Variants in SS18L1 observed in about 807,000 individuals in gnomAD.
SS18L1 encodes SS18L1 subunit of BAF chromatin remodeling complex.
Under a neutral mutation model 70.3 loss-of-function variants are expected in SS18L1, and 32 were observed. The observed-to-expected ratio is 0.46, with a 90% CI of 0.34 to 0.61. The LOEUF (loss-of-function observed/expected upper bound fraction) is 0.61. Ranked by LOEUF, SS18L1 falls within the 20% of genes least tolerant of loss-of-function variation. The pLI is 0.01. For missense variants in SS18L1, 430 were observed against 542.1 expected (o/e 0.79, Z 2.05); for synonymous variants, 237 against 229.7 (o/e 1.03, Z -0.29).
intron 1 of SS18L1, among the ~76,000 whole-genome samples, chr20:62,157,036 C>A (rs937635057): frequency 1.1e-4 from 16 of 151,040 alleles, no homozygotes; most frequent in Non-Finnish European, 2.4e-4. Flanking sequence ...CAGTCCCCTC[C>A]CATACCCCCT....
intron 1 of SS18L1, among the ~76,000 whole-genome samples, chr20:62,150,018 G>A (rs983391990): frequency 3.3e-5 from 5 of 152,254 alleles, no homozygotes; most frequent in Non-Finnish European, 7.3e-5. Flanking sequence ...CAAGGCACAT[G>A]CAGAGGCGGC....
chr20:62,164,362 C>A, intron 7 of SS18L1, 116 bp downstream of exon 7: 1 of 1,110,746 alleles, frequency 9.0e-7, no homozygotes, highest in African/African-American at 1.6e-5. Flanking sequence ...GTCATTCCAG[C>A]TCAGGCCTGG....
At position 62,162,942 on chromosome 20, in the gene SS18L1, T is replaced by G; in HGVS notation, c.556+11T>G. ...TGCAGTCCAACCCAGGTACCTACTCTGCCTCTGCAACCCCGGGGGGCCTGG... is the reference window on the plus strand; with the variant it reads ...TGCAGTCCAACCCAGGTACCTACTCGGCCTCTGCAACCCCGGGGGGCCTGG... On this transcript the variant is annotated intron_variant, in intron 5 of 10. Transcript: ENST00000331758. 6.2e-7 allele frequency: 1 copy of G among 1,607,132 alleles called. No individual in the cohort carries two copies.
chr20:62,146,691 T>C (rs1377215983), intron 1 of SS18L1, among the ~76,000 whole-genome samples: 2 of 133,834 alleles, frequency 1.5e-5, no homozygotes, highest in African/African-American at 5.5e-5. Flanking sequence ...GCTCACAACC[T>C]CCGCGCCCCC....
At chr20:62,166,468 G>A (rs182826758) in intron 8 of SS18L1, among the ~76,000 whole-genome samples, 2 of 152,328 alleles carry the variant, frequency 1.3e-5, no homozygotes, top group African/African-American at 2.4e-5. Context: ...TTGCTTCTGA[G>A]CTTACACATC....
chr20:62,176,780 G>C (rs1052025116), intron 10 of SS18L1, among the ~76,000 whole-genome samples: 1 of 148,202 alleles, frequency 6.7e-6, no homozygotes, highest in Non-Finnish European at 1.5e-5. Flanking sequence ...CTGGGCGACA[G>C]AGAGACTCCA....
At chr20:62,171,378 C>G (rs916616022) in intron 8 of SS18L1, among the ~76,000 whole-genome samples, 32 of 152,184 alleles carry the variant, frequency 2.1e-4, no homozygotes, top group African/African-American at 7.2e-4. Flanking sequence ...ACGGTGACAG[C>G]TCGTTTGCCA....
intron 8 of SS18L1, among the ~76,000 whole-genome samples, 183 bp downstream of exon 8, chr20:62,165,697 G>A (rs985797707): frequency 3.3e-5 from 5 of 152,228 alleles, no homozygotes; most frequent in African/African-American, 1.2e-4. Context: ...CGGGAGCCCC[G>A]CTTGCCTTAT....
At chr20:62,156,542 G>C (rs2057227436) in intron 1 of SS18L1, among the ~76,000 whole-genome samples, 1 of 152,258 alleles carries the variant, frequency 6.6e-6, no homozygotes, top group Non-Finnish European at 1.5e-5. Flanking sequence ...AATAGAGCAG[G>C]AGAAACCAAC....
At position 62,182,078 on chromosome 20, in the gene SS18L1, GC is replaced by G. The variant is rs2057719614; in HGVS notation, c.*2872del. The G allele has an allele frequency of 4.4e-6, 1 of 229,354 alleles. No individual in the cohort carries two copies. Among genetic ancestry groups the G allele is most frequent in the African/African-American group, 2.2e-5 (1 of 45,258 alleles). The allele number at this position is 229,354 out of a possible 1,614,324, so 14.2% of individuals were successfully genotyped here. A position where few individuals can be genotyped will look rare whatever the true frequency, so the allele number is the denominator to read the frequency against. Reference sequence around the variant, plus strand: ...ATTAAAACAGTACATCAGAACTCATGCCAACAGTCTTTATGATGGGATTAAG... The same window carrying G: ...ATTAAAACAGTACATCAGAACTCATGCAACAGTCTTTATGATGGGATTAAG... On this transcript the variant is annotated 3_prime_UTR_variant, in exon 11 of 11. Transcript: ENST00000331758.
At chr20:62,152,342 A>G (rs901190458) in intron 1 of SS18L1, among the ~76,000 whole-genome samples, 36 of 151,812 alleles carry the variant, frequency 2.4e-4, no homozygotes, top group African/African-American at 8.0e-4. Context: ...GGATCTCACC[A>G]CCCCTCCTTG....
intron 9 of SS18L1, among the ~76,000 whole-genome samples, chr20:62,173,117 T>C (rs978635914): frequency 7.2e-5 from 11 of 152,254 alleles, no homozygotes; most frequent in Admixed American, 6.5e-5. Context: ...CATAAATTCA[T>C]TGCCCACGTG....
At position 62,161,098 on chromosome 20, in the gene SS18L1, C is replaced by T. The variant is rs1239158204; in HGVS notation, c.232-338C>T. 1.3e-5 allele frequency among the ~76,000 whole-genome samples: 2 copies of T among 151,514 alleles called. No individual in the cohort carries two copies. The highest frequency in any genetic ancestry group is 2.9e-5 in the Non-Finnish European group (2 of 67,932). Reference sequence around the variant, plus strand: ...GCACAGAGGCGCTGGTCACCTGCGCCCGAGGGGGACGGGGTGCGTTCAGCC... The same window carrying T: ...GCACAGAGGCGCTGGTCACCTGCGCTCGAGGGGGACGGGGTGCGTTCAGCC... On this transcript the variant is annotated intron_variant, in intron 3 of 10. Coordinates refer to ENST00000331758, the MANE Select transcript of SS18L1 (RefSeq NM_198935.3). This position sits in a 1 kb window ranked among gnomAD's most constrained non-coding sequence, Gnocchi z 4.4.
At chr20:62,147,631 G>A (rs1218863503) in intron 1 of SS18L1, among the ~76,000 whole-genome samples, 2 of 152,122 alleles carry the variant, frequency 1.3e-5, no homozygotes, top group African/African-American at 4.8e-5. Flanking sequence ...TGGGTGTCTG[G>A]ATCCCCAGCA....
chr20:62,158,032 G>A lies in SS18L1; in HGVS notation c.70-640G>A, dbSNP rs2057254593. On this transcript the variant is annotated intron_variant, in intron 1 of 10. Transcript: ENST00000331758. The surrounding 1 kb of genome is among the most constrained non-coding windows in gnomAD (Gnocchi z 4.5). ...CTGGACCCCTGCTGATCCTTGGGAG[G>A]GGGCAGTTACCTGTGCCCCACCCTG... Among the ~76,000 whole-genome samples, 1 of 152,170 alleles carries A rather than the reference G, an allele frequency of 6.6e-6. No homozygotes were observed. The highest frequency in any genetic ancestry group is 2.4e-5 in the African/African-American group (1 of 41,430).
At position 62,179,215 on chromosome 20, in the gene SS18L1, C is replaced by T; in HGVS notation, c.*7C>T. The T allele has an allele frequency of 1.2e-6, 2 of 1,614,170 alleles. No individual in the cohort carries two copies. The highest frequency in any genetic ancestry group is 1.7e-6 in the Non-Finnish European group (2 of 1,180,028). Reference sequence around the variant, plus strand: ...TGGAAATTACCAGCAGTAAGGGACACACATTCTGGCTGGAGCCCTTGTGGT... The same window carrying T: ...TGGAAATTACCAGCAGTAAGGGACATACATTCTGGCTGGAGCCCTTGTGGT... On this transcript the variant is annotated 3_prime_UTR_variant, in exon 11 of 11. Transcript: ENST00000331758.
rs775006152 is a variant in SS18L1 at position 62,162,716 on chromosome 20, C to G, written c.377-36C>G. ...CCTTCAGAAGTGGTGACCTGGCTCC[C>G]CAGTGCCTGACACCACTCCCTGCTC... On this transcript the variant is annotated intron_variant, in intron 4 of 10. Transcript: ENST00000331758. 8.9e-6 allele frequency: 14 copies of G among 1,575,560 alleles called. No individual in the cohort carries two copies. In the African/African-American group the frequency reaches 1.5e-4, roughly 17 times the overall value.
chr20:62,163,327 G>A, intron 5 of SS18L1, 131 bp from the exon 6 acceptor site: 1 of 1,359,358 alleles, frequency 7.4e-7, no homozygotes, highest in South Asian at 1.3e-5. Flanking sequence ...GCCTTGCGGT[G>A]GAGGACGCTG....
At chr20:62,173,619 G>C (rs953687482) in intron 9 of SS18L1, among the ~76,000 whole-genome samples, 1 of 152,068 alleles carries the variant, frequency 6.6e-6, no homozygotes, top group East Asian at 1.9e-4. Flanking sequence ...TGAGACAGGA[G>C]AATTGCTTGA....
Sources: allele counts gnomAD v4.1 joint callset (sites outside exome capture counted in the v4.1 genomes callset), GRCh38; gene constraint gnomAD v4.1.1; non-coding constraint Gnocchi (gnomAD v3.1); transcripts MANE v1.5; gene names NCBI Gene and HGNC (gene_info 2026-07-23, HGNC 2026-07-21).